ZNF407: variants seen among roughly 807,000 people sequenced by gnomAD.
The protein encoded by ZNF407 is zinc finger protein 407.
Under a neutral mutation model 131.2 loss-of-function variants are expected in ZNF407, and 17 were observed. The ratio of observed to expected loss-of-function variants is 0.13; its 90% CI spans 0.09 to 0.19. The LOEUF (loss-of-function observed/expected upper bound fraction) is 0.19, where lower values mean the gene tolerates loss of function less well. ZNF407 is among the 10% of genes least tolerant of loss of function. The pLI, the probability that ZNF407 is intolerant of heterozygous loss-of-function variation, is 1.00. For synonymous variants in ZNF407, 1,156 were observed against 1,062.0 expected (o/e 1.09, Z -1.72); for missense variants, 2,681 against 2,830.6 (o/e 0.95, Z 1.20).
intron 8 of ZNF407, among the ~76,000 whole-genome samples, chr18:74,997,601 C>G (rs1453830034): frequency 2.6e-5 from 4 of 152,144 alleles, no homozygotes; most frequent in Admixed American, 2.6e-4. Context: ...TCTGACCATT[C>G]CAGGTGAACT....
chr18:74,645,591 G>C (rs143580236), intron 3 of ZNF407, among the ~76,000 whole-genome samples: 1 of 150,794 alleles, frequency 6.6e-6, no homozygotes, highest in African/African-American at 2.4e-5. Flanking sequence ...ATTCCTAGTT[G>C]GTTTAAGAAA....
intron 8 of ZNF407, among the ~76,000 whole-genome samples, chr18:74,933,853 A>G (rs1972010245): frequency 6.6e-6 from 1 of 152,216 alleles, no homozygotes; most frequent in African/African-American, 2.4e-5. Flanking sequence ...AATGTGAAGT[A>G]AAATATTTGA....
At position 74,632,969 on chromosome 18, in the gene ZNF407, A is replaced by G. The variant is rs1190545011; in HGVS notation, c.1950A>G (p.Gln650=). The change falls in exon 2 of 9, where the codon CAA becomes CAG. Residue 650 remains glutamine (Q), a synonymous_variant. Coordinates refer to ENST00000299687, the MANE Select transcript of ZNF407 (RefSeq NM_017757.3). ...INSLVQPKTL[Q]SSNSDLVLQT... is the part of the protein sequence containing the mutation. ...CATTGGTTCAACCAAAGACTTTGCA[A>G]TCATCTAACAGTGATTTGGTTTTAC... The G allele has an allele frequency of 2.5e-6, 4 of 1,613,340 alleles. No individual in the cohort carries two copies. The highest frequency in any genetic ancestry group is 1.7e-5 in the Admixed American group (1 of 59,904).
chr18:74,616,999 G>GCATCCATATCCACGCACCACACA lies in ZNF407; in HGVS notation c.-53-13955_-53-13954insGCACCACACACATCCATATCCAC, dbSNP rs1983329533. On this transcript the variant is annotated intron_variant, in intron 1 of 8. Transcript: ENST00000299687. ...ACACATCCATATCCACGCACCACAC[G>GCATCCATATCCACGCACCACACA]CATCCATATCCACACACCACACATA... 6.4e-3 allele frequency among the ~76,000 whole-genome samples: 28 copies of GCATCCATATCCACGCACCACACA among 4,402 alleles called. 2 individuals are homozygous for GCATCCATATCCACGCACCACACA. The highest frequency in any genetic ancestry group is 0.011 in the Non-Finnish European group (18 of 1,684). The allele number at this position is 4,402 out of a possible 152,430, so 2.9% of individuals were successfully genotyped here. A position where few individuals can be genotyped will look rare whatever the true frequency, so the allele number is the denominator to read the frequency against.
chr18:75,003,625 C>CT (rs1230375181), intron 8 of ZNF407, among the ~76,000 whole-genome samples: 1 of 152,150 alleles, frequency 6.6e-6, no homozygotes, highest in East Asian at 1.9e-4. Flanking sequence ...GGAAAACAAA[C>CT]TTTTACGTGT....
chr18:74,669,288 G>C (rs1205247422), intron 3 of ZNF407, among the ~76,000 whole-genome samples: 1 of 152,214 alleles, frequency 6.6e-6, no homozygotes, highest in Non-Finnish European at 1.5e-5. Context: ...CTGACCAGGG[G>C]CCTTCCCATG....
Position 74,677,839 on chromosome 18 carries a change from C to T in ZNF407, c.4802+36717C>T, listed in dbSNP as rs543941886. Reference sequence around the variant, plus strand: ...ATTTTATGCTGGCCATTTATTTATTCGAGACGGAGTTTCTCTCTGTTGCCT... The same window carrying T: ...ATTTTATGCTGGCCATTTATTTATTTGAGACGGAGTTTCTCTCTGTTGCCT... On this transcript the variant is annotated intron_variant, in intron 3 of 8. Coordinates refer to ENST00000299687, the MANE Select transcript of ZNF407 (RefSeq NM_017757.3). Among the ~76,000 whole-genome samples, 16 of 151,820 alleles carry T rather than the reference C, an allele frequency of 1.1e-4. No individual in the cohort carries two copies. The East Asian group carries it at 2.1e-3, about 20-fold the overall frequency.
chr18:74,617,111 A>ATACACCACACACATCTATATCCACACAC (rs1983342615), intron 1 of ZNF407, among the ~76,000 whole-genome samples: 1 of 28,022 alleles, frequency 3.6e-5, no homozygotes, highest in African/African-American at 1.1e-4. Flanking sequence ...ATCCATATCC[A>ATACACCACACACATCTATATCCACACAC]CACACCACAC....
intron 8 of ZNF407, among the ~76,000 whole-genome samples, chr18:75,002,772 T>C (rs1383053657): frequency 7.4e-6 from 1 of 135,776 alleles, no homozygotes; most frequent in African/African-American, 2.9e-5. Context: ...GCCACTGCAC[T>C]CCAGCCTGGG....
intron 3 of ZNF407, among the ~76,000 whole-genome samples, chr18:74,669,293 C>T (rs1167942220): frequency 6.6e-6 from 1 of 152,192 alleles, no homozygotes; most frequent in Non-Finnish European, 1.5e-5. Flanking sequence ...CAGGGGCCTT[C>T]CCATGGGGCC....
At chr18:74,658,588 G>A (rs1985580579) in intron 3 of ZNF407, among the ~76,000 whole-genome samples, 1 of 152,160 alleles carries the variant, frequency 6.6e-6, no homozygotes, top group Non-Finnish European at 1.5e-5. Flanking sequence ...AAACTGTGAT[G>A]TGTAAAATGC....
chr18:74,738,678 G>A (rs1007604467), intron 3 of ZNF407, among the ~76,000 whole-genome samples: 3 of 152,100 alleles, frequency 2.0e-5, no homozygotes, highest in African/African-American at 7.2e-5. Flanking sequence ...GGCGGAGGTT[G>A]CAGTGAGCCA....
chr18:74,799,996 T>C (rs1450632353), intron 4 of ZNF407, among the ~76,000 whole-genome samples: 2 of 151,388 alleles, frequency 1.3e-5, no homozygotes, highest in Non-Finnish European at 3.0e-5. Flanking sequence ...AAATACATGG[T>C]CCATCTTGAT....
intron 8 of ZNF407, among the ~76,000 whole-genome samples, chr18:74,993,337 C>T (rs780415387): frequency 2.6e-5 from 4 of 152,148 alleles, no homozygotes; most frequent in Non-Finnish European, 4.4e-5. Context: ...ACTATGGATG[C>T]ACTACATTAT....
chr18:75,004,969 A>G (rs1972891196), intron 8 of ZNF407, among the ~76,000 whole-genome samples: 1 of 152,220 alleles, frequency 6.6e-6, no homozygotes, highest in Non-Finnish European at 1.5e-5. Flanking sequence ...CATTATTGAT[A>G]GCAGCAGAGA....
At chr18:74,742,619 C>G (rs1434566207) in intron 3 of ZNF407, among the ~76,000 whole-genome samples, 1 of 152,096 alleles carries the variant, frequency 6.6e-6, no homozygotes, top group Non-Finnish European at 1.5e-5. Context: ...TTTTAGATTA[C>G]ATCATTTTAG....
intron 3 of ZNF407, among the ~76,000 whole-genome samples, chr18:74,740,262 T>G (rs973080315): frequency 3.3e-5 from 5 of 152,212 alleles, no homozygotes; most frequent in African/African-American, 1.2e-4. Flanking sequence ...CTCTGACGTC[T>G]CTATCAAATT....
chr18:75,007,446 C>G (rs1441028764), intron 8 of ZNF407, among the ~76,000 whole-genome samples: 1 of 152,176 alleles, frequency 6.6e-6, no homozygotes, highest in African/African-American at 2.4e-5. Flanking sequence ...CTAGTCCTCA[C>G]GACCCTTTTG....
rs2144668263 is a variant in ZNF407, at chr18:74,633,249, T to C, written c.2230T>C (p.Leu744=). 1.2e-6 allele frequency: 2 copies of C among 1,613,720 alleles called. No homozygotes were observed. Among genetic ancestry groups the C allele is most frequent in the South Asian group, 1.1e-5 (1 of 90,994 alleles). ...FLCKACNLYS[L]SKEGMEKHIK... ...TTGTAAAGCTTGTAATCTTTATTCA[T>C]TGAGCAAAGAAGGAATGGAGAAACA... The change falls in exon 2 of 9, where the codon TTG becomes CTG. Residue 744 remains leucine (L), a synonymous_variant. Transcript: ENST00000299687.
Sources: gnomAD v4.1 joint callset for allele counts (sites outside exome capture counted in the v4.1 genomes callset) on GRCh38, gnomAD v4.1.1 for gene constraint, MANE v1.5 for transcripts, NCBI Gene and HGNC (gene_info 2026-07-23, HGNC 2026-07-21) for gene names.